HORMAD2: variants seen among roughly 807,000 people sequenced by gnomAD.
HORMAD2 encodes HORMA domain containing 2, also known as HORMA domain-containing protein 2.
HORMAD2 carries 45 observed loss-of-function variants against 38.8 expected under a neutral mutation model. The observed-to-expected ratio is 1.16, with a 90% CI of 0.91 to 1.49. HORMAD2 has a LOEUF of 1.49. Among genes scored for constraint, HORMAD2 ranks in the 40% most tolerant of loss-of-function variants. The probability of loss-of-function intolerance (pLI) is 0.00; values close to 1 mark genes in which losing one functional copy is unlikely to be tolerated. For synonymous variants in HORMAD2, 126 were observed against 122.8 expected (o/e 1.03, Z -0.17); for missense variants, 338 against 367.0 (o/e 0.92, Z 0.65).
At chr22:30,094,070 A>C in intron 2 of HORMAD2, 67 bp downstream of exon 2, 5 of 1,158,452 alleles carry the variant, frequency 4.3e-6, no homozygotes, top group Non-Finnish European at 5.0e-6. Flanking sequence ...TATGATTTTA[A>C]TCTTTTGTGT....
intron 3 of HORMAD2, among the ~76,000 whole-genome samples, chr22:30,103,017 G>A (rs900981244): frequency 1.2e-4 from 18 of 152,048 alleles, no homozygotes; most frequent in Admixed American, 9.8e-4. Flanking sequence ...AGAATAATCC[G>A]TGTGAAATTT....
Position 30,088,932 on chromosome 22 carries a change from G to A in HORMAD2, c.-37-4984G>A, listed in dbSNP as rs557997367. Among the ~76,000 whole-genome samples, 9 of 152,168 alleles carry A rather than the reference G, an allele frequency of 5.9e-5. No individual in the cohort carries two copies. In the South Asian group the frequency reaches 1.9e-3, roughly 32 times the overall value. On this transcript the variant is annotated intron_variant, in intron 1 of 10. Coordinates refer to ENST00000336726, the MANE Select transcript of HORMAD2 (RefSeq NM_152510.4). ...TTGAAATTTAAGGGGGACAACTGAT[G>A]TATTAGATATGAAGGTTATAGTCTC...
intron 10 of HORMAD2, among the ~76,000 whole-genome samples, chr22:30,174,221 G>T (rs1012441553): frequency 1.3e-5 from 2 of 152,168 alleles, no homozygotes; most frequent in African/African-American, 4.8e-5. Context: ...GTCATTTGAT[G>T]ATCATCTGAT....
intron 3 of HORMAD2, among the ~76,000 whole-genome samples, chr22:30,101,786 TG>T (rs1433623225): frequency 6.6e-6 from 1 of 152,194 alleles, no homozygotes; most frequent in East Asian, 1.9e-4. Flanking sequence ...TTGGGCATGG[TG>T]GCTCAGGCTT....
intron 7 of HORMAD2, among the ~76,000 whole-genome samples, chr22:30,118,005 C>A (rs1922173783): frequency 6.6e-6 from 1 of 152,126 alleles, no homozygotes; most frequent in Non-Finnish European, 1.5e-5. Flanking sequence ...TTCCTATTGC[C>A]ATTATAGTCT....
intron 10 of HORMAD2, among the ~76,000 whole-genome samples, chr22:30,167,036 A>G (rs143155306): frequency 1.0e-3 from 157 of 152,308 alleles, no homozygotes; most frequent in African/African-American, 3.7e-3. Context: ...TCCAAAAGCA[A>G]TATGAGTGGT....
chr22:30,103,623 T>A, intron 4 of HORMAD2, 123 bp downstream of exon 4: 11 of 391,846 alleles, frequency 2.8e-5, no homozygotes, highest in East Asian at 6.0e-5. Flanking sequence ...CTACTTTCCC[T>A]CTTTCTTTTT....
intron 5 of HORMAD2, 99 bp downstream of exon 5, chr22:30,104,536 TAA>T (rs1921044740): frequency 1.0e-6 from 1 of 972,896 alleles, no homozygotes; most frequent in East Asian, 2.5e-5. Context: ...TTTAACAGTA[TAA>T]GTGTCTACGT....
At chr22:30,086,163 C>T (rs1392382935) in intron 1 of HORMAD2, among the ~76,000 whole-genome samples, 2 of 152,190 alleles carry the variant, frequency 1.3e-5, no homozygotes, top group Non-Finnish European at 2.9e-5. Flanking sequence ...CTCTCTTCCT[C>T]CTTCTCTGGC....
chr22:30,099,817 A>G (rs866905883), intron 3 of HORMAD2, among the ~76,000 whole-genome samples: 5 of 152,132 alleles, frequency 3.3e-5, no homozygotes, highest in South Asian at 2.1e-4. Context: ...AACCCAGGAG[A>G]CAGATATTGC....
chr22:30,136,387 T>A (rs888388974), intron 10 of HORMAD2, among the ~76,000 whole-genome samples: 1 of 152,170 alleles, frequency 6.6e-6, no homozygotes, highest in South Asian at 2.1e-4. Context: ...TTTGCAACCA[T>A]CACTACAGTC....
chr22:30,183,414 C>T, the HORMAD2 span, among the ~76,000 whole-genome samples: 2 of 152,152 alleles, frequency 1.3e-5, no homozygotes, highest in Admixed American at 6.5e-5. Flanking sequence ...TTTCAGCTTT[C>T]GTGTTACAGG....
chr22:30,166,196 A>G (rs573680282), intron 10 of HORMAD2, among the ~76,000 whole-genome samples: 203 of 152,228 alleles, frequency 1.3e-3, no homozygotes, highest in Admixed American at 3.1e-3. Flanking sequence ...TTATAATAAT[A>G]TGCCTTTGTG....
chr22:30,092,284 T>G (rs906304756), intron 1 of HORMAD2, among the ~76,000 whole-genome samples: 1 of 152,030 alleles, frequency 6.6e-6, no homozygotes, highest in African/African-American at 2.4e-5. Flanking sequence ...TGAGCATTTT[T>G]TCATATACTT....
rs960114360 is a variant in HORMAD2, at chr22:30,122,084, T to C, written c.689T>C (p.Met230Thr). ...TTTGTCTCCACTGGCTTTCATAGCA[T>C]GAAAGTAAAAGTCATGACAGAGGCT... ...VGFVSTGFHS[M>T]KVKVMTEATK... The change falls in exon 10 of 11, where the codon ATG becomes ACG. Residue 230 changes from methionine (M) to threonine (T), a missense_variant. Coordinates refer to ENST00000336726, the MANE Select transcript of HORMAD2 (RefSeq NM_152510.4). 6.2e-7 allele frequency: 1 copy of C among 1,613,634 alleles called. No individual in the cohort carries two copies. Among genetic ancestry groups the C allele is most frequent in the African/African-American group, 1.3e-5 (1 of 74,900 alleles).
intron 1 of HORMAD2, among the ~76,000 whole-genome samples, chr22:30,093,697 A>G (rs896771134): frequency 6.6e-6 from 1 of 152,180 alleles, no homozygotes; most frequent in Non-Finnish European, 1.5e-5. Flanking sequence ...ATAGAGCCTG[A>G]TAGAATTATC....
chr22:30,159,255 T>A (rs1177821169), intron 10 of HORMAD2, among the ~76,000 whole-genome samples: 1 of 152,202 alleles, frequency 6.6e-6, no homozygotes, highest in African/African-American at 2.4e-5. Flanking sequence ...TTCACTCTGC[T>A]CTCTGGCCCA....
the HORMAD2 span, among the ~76,000 whole-genome samples, chr22:30,205,081 C>T: frequency 2.0e-5 from 3 of 152,090 alleles, no homozygotes; most frequent in Non-Finnish European, 4.4e-5. Flanking sequence ...GGCAGTTGAG[C>T]GAAATGAAAT....
chr22:30,191,981 A>G, the HORMAD2 span, among the ~76,000 whole-genome samples: 1 of 152,358 alleles, frequency 6.6e-6, no homozygotes, highest in South Asian at 2.1e-4. Context: ...TTTTTACTTA[A>G]AGCAACAACC....
Sources: gnomAD v4.1 joint callset for allele counts (sites outside exome capture counted in the v4.1 genomes callset) on GRCh38, gnomAD v4.1.1 for gene constraint, MANE v1.5 for transcripts, NCBI Gene and HGNC (gene_info 2026-07-23, HGNC 2026-07-21) for gene names.